GSE1: variants seen among roughly 807,000 people sequenced by gnomAD.
GSE1 encodes the protein genetic suppressor element 1.
In GSE1, 32 loss-of-function variants were observed where a neutral mutation model predicts 112.6. The ratio of observed to expected loss-of-function variants is 0.28; its 90% CI spans 0.21 to 0.38. The LOEUF (loss-of-function observed/expected upper bound fraction) is 0.38. GSE1 is among the 10% of genes least tolerant of loss of function. GSE1 has a pLI of 1.00. For synonymous variants in GSE1, 1,115 were observed against 735.6 expected, an observed-to-expected ratio of 1.52 and a Z score of -8.35; for missense variants, 2,348 against 1,699.2, an observed-to-expected ratio of 1.38 and a Z score of -6.71.
In GSE1 at chr16:85,201,227, C is replaced by A. The variant is rs574708444; in HGVS notation, c.2283+29420C>A. ...AGCTGAGGCCACAGGCAGGTGCCAC[C>A]ACACCCAGCTATTTTGTTTTTGTTT... On this transcript the variant is annotated intron_variant, in intron 1 of 2. Coordinates refer to the GSE1 transcript ENST00000637419. Among the ~76,000 whole-genome samples the A allele has an allele frequency of 7.2e-5, 11 of 152,220 alleles. No individual in the cohort carries two copies. The East Asian group carries it at 2.1e-3, about 29-fold the overall frequency.
intron 1 of GSE1, among the ~76,000 whole-genome samples, chr16:85,613,607 CTGGCTGCG>C (rs1285844788): frequency 2.7e-5 from 4 of 150,680 alleles, no homozygotes; most frequent in Non-Finnish European, 4.4e-5. Flanking sequence ...CCTGGGAGGC[CTGGCTGCG>C]GGCGGGGACT....
intron 1 of GSE1, among the ~76,000 whole-genome samples, chr16:85,206,521 C>T (rs1052499181): frequency 2.6e-5 from 4 of 152,230 alleles, no homozygotes; most frequent in East Asian, 1.9e-4. Flanking sequence ...CACCCCCTCC[C>T]CAGGAACCCC....
At position 85,672,681 on chromosome 16, in the gene GSE1, C is replaced by A; in HGVS notation, c.*142C>A. On this transcript the variant is annotated 3_prime_UTR_variant, in exon 16 of 16. Transcript: ENST00000253458. ...TGCATGAAGCAAAGGATTCCAGGCT[C>A]CAGAAAAAATGAATGAACTCACCTT... 2 of 535,358 alleles carry A rather than the reference C, an allele frequency of 3.7e-6. No homozygotes were observed. Among genetic ancestry groups the A allele is most frequent in the South Asian group, 5.7e-5 (1 of 17,610 alleles). 33.2% of individuals were successfully genotyped at this position (535,358 alleles called of 1,614,324 possible).
At chr16:85,205,067 T>TC (rs34144220) in intron 1 of GSE1, among the ~76,000 whole-genome samples, 94,804 of 152,060 alleles carry the variant, frequency 0.62, 30,083 homozygotes, top group African/African-American at 0.72. Context: ...TCACTGGATC[T>TC]CCCCGCAGCC....
At chr16:85,533,275 C>T (rs1357482999) in intron 2 of GSE1, among the ~76,000 whole-genome samples, 1 of 151,912 alleles carries the variant, frequency 6.6e-6, no homozygotes, top group African/African-American at 2.4e-5. Flanking sequence ...CAAAAATTAG[C>T]CGGGCATGGT....
At chr16:85,385,199 G>A (rs772992195) in intron 2 of GSE1, among the ~76,000 whole-genome samples, 2 of 152,228 alleles carry the variant, frequency 1.3e-5, no homozygotes, top group African/African-American at 2.4e-5. Flanking sequence ...AGGTGTTTTG[G>A]GGTGGGTGCC....
At chr16:85,417,246 G>A (rs1444536610) in intron 2 of GSE1, among the ~76,000 whole-genome samples, 1 of 152,208 alleles carries the variant, frequency 6.6e-6, no homozygotes, top group Admixed American at 6.5e-5. Context: ...CACATTCCCA[G>A]CCTCAACCCC....
intron 1 of GSE1, among the ~76,000 whole-genome samples, chr16:85,323,512 AG>A (rs2046160514): frequency 6.6e-6 from 1 of 152,076 alleles, no homozygotes; most frequent in African/African-American, 2.4e-5. Context: ...GGCCTGGAGG[AG>A]GGGGCGAGTT....
At chr16:85,211,547 G>A (rs1043312369) in intron 1 of GSE1, among the ~76,000 whole-genome samples, 11 of 152,302 alleles carry the variant, frequency 7.2e-5, no homozygotes, top group African/African-American at 1.9e-4. Context: ...CGGCACCTTC[G>A]CAGCTTCTCC....
chr16:85,220,300 C>A (rs552695915), intron 1 of GSE1, among the ~76,000 whole-genome samples: 2 of 152,180 alleles, frequency 1.3e-5, no homozygotes, highest in African/African-American at 4.8e-5. Context: ...GTCTGGTTTC[C>A]CTGCTCCTGG....
intron 2 of GSE1, among the ~76,000 whole-genome samples, chr16:85,485,435 C>G (rs570598193): frequency 6.6e-5 from 10 of 152,382 alleles, no homozygotes; most frequent in African/African-American, 2.4e-4. Flanking sequence ...TCACTTCTGC[C>G]TTTATTTCAT....
chr16:85,289,834 G>T (rs1200428436), intron 1 of GSE1, among the ~76,000 whole-genome samples: 1 of 152,178 alleles, frequency 6.6e-6, no homozygotes, highest in African/African-American at 2.4e-5. Flanking sequence ...GCTCCTTCAT[G>T]TTGGGGCGGG....
chr16:85,598,175 T>G (rs867127915), intron 1 of GSE1, among the ~76,000 whole-genome samples: 7 of 146,182 alleles, frequency 4.8e-5, no homozygotes, highest in Middle Eastern at 3.5e-3. Flanking sequence ...TTGTTTTTTT[T>G]TTTTTTTTTT....
At chr16:85,270,837 C>T (rs1180387062) in intron 1 of GSE1, among the ~76,000 whole-genome samples, 2 of 152,166 alleles carry the variant, frequency 1.3e-5, no homozygotes, top group Non-Finnish European at 2.9e-5. Context: ...CTGTCTGGCT[C>T]CTCCGGCAGC....
intron 1 of GSE1, among the ~76,000 whole-genome samples, chr16:85,615,866 T>G (rs982579541): frequency 3.9e-5 from 6 of 152,234 alleles, no homozygotes; most frequent in African/African-American, 1.4e-4. Context: ...GCTCCCCAGC[T>G]GATCCTAACG....
chr16:85,608,695 A>G (rs1415311093), upstream of GSE1, among the ~76,000 whole-genome samples: 5 of 152,294 alleles, frequency 3.3e-5, no homozygotes, highest in Admixed American at 1.3e-4. Context: ...CGGGCTGTGT[A>G]ATGGAGGTCA....
intron 1 of GSE1, among the ~76,000 whole-genome samples, chr16:85,246,012 CGT>C (rs562495577): frequency 1.3e-5 from 2 of 148,972 alleles, no homozygotes; most frequent in Non-Finnish European, 3.0e-5. Flanking sequence ...GGGGTGTGTG[CGT>C]GTGTGTGTGT....
intron 2 of GSE1, among the ~76,000 whole-genome samples, chr16:85,449,411 C>T (rs1022844793): frequency 6.6e-6 from 1 of 152,242 alleles, no homozygotes; most frequent in Non-Finnish European, 1.5e-5. Flanking sequence ...GCCGAGGCCG[C>T]ATGGGGGGCG....
intron 2 of GSE1, among the ~76,000 whole-genome samples, chr16:85,489,584 C>T (rs1285643218): frequency 6.6e-6 from 1 of 151,670 alleles, no homozygotes; most frequent in African/African-American, 2.4e-5. Context: ...ATAGCACCCA[C>T]CCCACAAGCC....
Sources: allele counts gnomAD v4.1 joint callset (sites outside exome capture counted in the v4.1 genomes callset), GRCh38; gene constraint gnomAD v4.1.1; transcripts MANE v1.5; gene names NCBI Gene and HGNC (gene_info 2026-07-23, HGNC 2026-07-21).